Variants in SLMAP observed in about 807,000 individuals in gnomAD.
SLMAP encodes the protein sarcolemma associated protein.
SLMAP carries 44 observed loss-of-function variants against 128.8 expected under a neutral mutation model. The observed-to-expected ratio is 0.34, with a 90% CI of 0.27 to 0.44. The LOEUF (loss-of-function observed/expected upper bound fraction) is 0.44, where lower values mean the gene tolerates loss of function less well. SLMAP is among the 20% of genes least tolerant of loss of function. The pLI is 1.00. For missense variants in SLMAP, 787 were observed against 985.3 expected (o/e 0.80, Z 2.69); for synonymous variants, 327 against 348.8 (o/e 0.94, Z 0.70).
At chr3:57,799,417 T>C (rs1576661126) in intron 2 of SLMAP, among the ~76,000 whole-genome samples, 1 of 152,236 alleles carries the variant, frequency 6.6e-6, no homozygotes, top group South Asian at 2.1e-4. Context: ...TACTACCTTA[T>C]GTGTTGCAGA....
chr3:57,787,515 C>T (rs906004988), intron 2 of SLMAP, among the ~76,000 whole-genome samples: 6 of 152,160 alleles, frequency 3.9e-5, no homozygotes, highest in Non-Finnish European at 7.4e-5. Context: ...CTCACTCTGT[C>T]GCCCAGGCTG....
intron 17 of SLMAP, among the ~76,000 whole-genome samples, chr3:57,906,332 T>TTTTTTTTC (rs1491216777): frequency 7.3e-6 from 1 of 137,026 alleles, no homozygotes; most frequent in Admixed American, 8.0e-5. Context: ...TTTTTTTTTT[T>TTTTTTTTC]AGAGACACAG....
At chr3:57,866,154 C>G (rs1206930668) in intron 13 of SLMAP, among the ~76,000 whole-genome samples, 2 of 152,120 alleles carry the variant, frequency 1.3e-5, no homozygotes, top group Admixed American at 6.6e-5. Context: ...CGCCTGTAGT[C>G]CCAACTACGT....
chr3:57,853,855 G>A (rs538090650), intron 6 of SLMAP, among the ~76,000 whole-genome samples: 9 of 147,408 alleles, frequency 6.1e-5, no homozygotes, highest in Non-Finnish European at 7.5e-5. Flanking sequence ...GCAGGAGAAT[G>A]ACTTGGACCC....
chr3:57,831,276 A>G (rs2093321631), intron 2 of SLMAP, 107 bp from the exon 3 acceptor site: 1 of 722,938 alleles, frequency 1.4e-6, no homozygotes, highest in African/African-American at 1.8e-5. Flanking sequence ...ATAGGGGAAA[A>G]ATTCACTTGC....
intron 22 of SLMAP, chr3:57,918,004 C>T (rs891069786): frequency 6.6e-6 from 1 of 152,082 alleles, no homozygotes; most frequent in Non-Finnish European, 1.5e-5. Context: ...CTTTTCTTTC[C>T]TTGTAGTGTC....
chr3:57,924,378 T>C (rs1212116461), intron 23 of SLMAP, among the ~76,000 whole-genome samples: 2 of 151,922 alleles, frequency 1.3e-5, no homozygotes, highest in Non-Finnish European at 2.9e-5. Flanking sequence ...TTTTTTCTCT[T>C]TTTTTTTGAG....
intron 2 of SLMAP, among the ~76,000 whole-genome samples, chr3:57,790,047 C>G (rs911683213): frequency 6.6e-6 from 1 of 152,018 alleles, no homozygotes. Flanking sequence ...ATGTTGGCCA[C>G]GCTGGTCTTG....
chr3:57,778,828 A>G (rs1220524282), intron 2 of SLMAP, among the ~76,000 whole-genome samples: 1 of 151,984 alleles, frequency 6.6e-6, no homozygotes, highest in Non-Finnish European at 1.5e-5. Flanking sequence ...TAATTGAGTT[A>G]AGGCTTTCTT....
intron 2 of SLMAP, among the ~76,000 whole-genome samples, chr3:57,798,023 C>G (rs907209572): frequency 1.3e-5 from 2 of 152,122 alleles, no homozygotes; most frequent in African/African-American, 2.4e-5. Context: ...AATAATAATA[C>G]CTCATATGGG....
intron 2 of SLMAP, among the ~76,000 whole-genome samples, chr3:57,788,772 C>T (rs1255368907): frequency 6.6e-6 from 1 of 152,116 alleles, no homozygotes; most frequent in African/African-American, 2.4e-5. Flanking sequence ...AGGTAGGGGT[C>T]TGTCTCATCA....
chr3:57,785,188 C>T (rs2083834543), intron 2 of SLMAP, among the ~76,000 whole-genome samples: 1 of 152,142 alleles, frequency 6.6e-6, no homozygotes, highest in Non-Finnish European at 1.5e-5. Flanking sequence ...TCTTAATCTA[C>T]ATAAAATTTA....
Position 57,925,945 on chromosome 3 carries a change from T to A in SLMAP, c.*6+11T>A. 6.5e-7 allele frequency: 1 copy of A among 1,533,384 alleles called. No homozygotes were observed. The highest frequency in any genetic ancestry group is 8.8e-7 in the Non-Finnish European group (1 of 1,130,930). The allele number at this position is 1,533,384 out of a possible 1,614,324, so 95.0% of individuals were successfully genotyped here. ...TTGTGGTAGAGAAAGGTACAAGCAC[T>A]ATTGTTGAGTCCTTGTCTGTTTGTC... On this transcript the variant is annotated intron_variant, in intron 24 of 24. Coordinates refer to ENST00000671191, the MANE Select transcript of SLMAP (RefSeq NM_001377540.1).
chr3:57,769,995 A>G (rs904316635), intron 2 of SLMAP, among the ~76,000 whole-genome samples: 5 of 152,182 alleles, frequency 3.3e-5, no homozygotes, highest in African/African-American at 1.2e-4. Context: ...GATTTTACTT[A>G]CCAAGGAATC....
rs2093334077 is a variant in SLMAP, at chr3:57,831,513, C to T, written c.329C>T (p.Thr110Ile). Reference sequence around the variant, plus strand: ...ATTATCCAGTTTGGAGTAGACGTGACAGAGAATACACGGAAAGGTACGGGT... The same window carrying T: ...ATTATCCAGTTTGGAGTAGACGTGATAGAGAATACACGGAAAGGTACGGGT... ...GDIIQFGVDV[T>I]ENTRKVTHGC... Residue 110 changes from threonine (T) to isoleucine (I), a missense_variant, in exon 3 of 25, where the codon ACA (threonine) becomes ATA (isoleucine). Thr to Ile is a moderately conservative substitution (Grantham distance 89). Coordinates refer to ENST00000671191, the MANE Select transcript of SLMAP (RefSeq NM_001377540.1). 6.4e-7 allele frequency: 1 copy of T among 1,563,414 alleles called. No individual in the cohort carries two copies. Among genetic ancestry groups the T allele is most frequent in the Non-Finnish European group, 8.7e-7 (1 of 1,154,838 alleles).
chr3:57,860,161 A>G (rs1318539099), intron 8 of SLMAP, among the ~76,000 whole-genome samples: 1 of 151,942 alleles, frequency 6.6e-6, no homozygotes, highest in Non-Finnish European at 1.5e-5. Flanking sequence ...CGGCCAGCCT[A>G]TTTTTCTTAT....
chr3:57,771,473 C>A (rs1404087853), intron 2 of SLMAP, among the ~76,000 whole-genome samples: 1 of 152,120 alleles, frequency 6.6e-6, no homozygotes, highest in African/African-American at 2.4e-5. Context: ...TCAAGTAATC[C>A]CCCTGCCTTG....
chr3:57,909,504 A>G (rs1225059168), intron 19 of SLMAP, among the ~76,000 whole-genome samples: 1 of 68,310 alleles, frequency 1.5e-5, no homozygotes, highest in African/African-American at 4.5e-5. Context: ...TCCATCTCAG[A>G]AAAAAAAAAA....
chr3:57,803,087 A>G (rs554746948), intron 2 of SLMAP, among the ~76,000 whole-genome samples: 1 of 152,350 alleles, frequency 6.6e-6, no homozygotes, highest in South Asian at 2.1e-4. Flanking sequence ...TTGGTAGATG[A>G]GCAACTACTA....
Sources: allele counts gnomAD v4.1 joint callset (sites outside exome capture counted in the v4.1 genomes callset), GRCh38; gene constraint gnomAD v4.1.1; transcripts MANE v1.5; gene names NCBI Gene and HGNC (gene_info 2026-07-23, HGNC 2026-07-21).